GRM7: variants seen among roughly 807,000 people sequenced by gnomAD.
The protein encoded by GRM7 is glutamate metabotropic receptor 7, also known as metabotropic glutamate receptor 7.
Under a neutral mutation model 84.5 loss-of-function variants are expected in GRM7, and 35 were observed. The observed-to-expected ratio is 0.41, with a 90% CI of 0.32 to 0.55. GRM7 has a LOEUF of 0.55. Ranked by LOEUF, GRM7 falls within the 20% of genes least tolerant of loss-of-function variation. The pLI, the probability that GRM7 is intolerant of heterozygous loss-of-function variation, is 0.19. For synonymous variants in GRM7, 487 were observed against 455.1 expected, an observed-to-expected ratio of 1.07 and a Z score of -0.89; for missense variants, 1,003 against 1,194.6, an observed-to-expected ratio of 0.84 and a Z score of 2.36.
chr3:7,397,283 C>A (rs1559293022), intron 4 of GRM7, among the ~76,000 whole-genome samples: 1 of 152,090 alleles, frequency 6.6e-6, no homozygotes, highest in East Asian at 1.9e-4. Context: ...GTGTGTCATA[C>A]AATTTACATG....
At chr3:7,588,750 G>A (rs1378628146) in intron 8 of GRM7, among the ~76,000 whole-genome samples, 2 of 152,140 alleles carry the variant, frequency 1.3e-5, no homozygotes, top group South Asian at 2.1e-4. Flanking sequence ...GTAAGTCATC[G>A]GTAGAAATGT....
At chr3:7,325,860 T>C (rs945153918) in intron 4 of GRM7, among the ~76,000 whole-genome samples, 2 of 152,168 alleles carry the variant, frequency 1.3e-5, no homozygotes, top group East Asian at 1.9e-4. Context: ...TTTGTTAGTT[T>C]ACAGTTTTTT....
intron 1 of GRM7, among the ~76,000 whole-genome samples, chr3:6,892,216 C>G (rs944318374): frequency 3.3e-5 from 5 of 152,064 alleles, no homozygotes; most frequent in Admixed American, 2.6e-4. Context: ...CACTCAAGTC[C>G]TATATTTTGA....
chr3:6,924,368 G>A (rs904868572), intron 1 of GRM7, among the ~76,000 whole-genome samples: 1 of 152,172 alleles, frequency 6.6e-6, no homozygotes, highest in East Asian at 1.9e-4. Context: ...GACAGATGAT[G>A]TATAATTTCA....
intron 8 of GRM7, among the ~76,000 whole-genome samples, chr3:7,615,718 G>A (rs1313993511): frequency 1.3e-5 from 2 of 151,912 alleles, no homozygotes; most frequent in East Asian, 1.9e-4. Flanking sequence ...GGCTCTTAGG[G>A]AAAAATAAAA....
At chr3:7,302,715 T>C (rs547487168) in intron 3 of GRM7, among the ~76,000 whole-genome samples, 1 of 152,164 alleles carries the variant, frequency 6.6e-6, no homozygotes, top group East Asian at 1.9e-4. Context: ...TAGTATCTAG[T>C]TTGATACCTT....
chr3:7,648,097 T>G (rs1156917912), intron 8 of GRM7, among the ~76,000 whole-genome samples: 1 of 152,118 alleles, frequency 6.6e-6, no homozygotes, highest in African/African-American at 2.4e-5. Context: ...CACAACTTAT[T>G]TGTGTGGCAG....
intron 7 of GRM7, among the ~76,000 whole-genome samples, chr3:7,507,557 G>C (rs138497582): frequency 2.1e-3 from 324 of 152,280 alleles, no homozygotes; most frequent in Admixed American, 4.2e-3. Flanking sequence ...TAACCTATCA[G>C]CAGATAAAAG....
intron 1 of GRM7, among the ~76,000 whole-genome samples, chr3:7,137,828 A>G (rs1249897177): frequency 2.0e-5 from 3 of 152,082 alleles, no homozygotes; most frequent in Non-Finnish European, 4.4e-5. Context: ...AATGCCATAT[A>G]GACTCCTGGA....
At chr3:7,352,154 G>C (rs562849424) in intron 4 of GRM7, among the ~76,000 whole-genome samples, 1 of 149,562 alleles carries the variant, frequency 6.7e-6, no homozygotes, top group African/African-American at 2.5e-5. Context: ...GGGGTTTCTG[G>C]AATTGATTTT....
At chr3:7,650,531 T>A (rs1443549062) in intron 8 of GRM7, among the ~76,000 whole-genome samples, 1 of 152,232 alleles carries the variant, frequency 6.6e-6, no homozygotes, top group Non-Finnish European at 1.5e-5. Flanking sequence ...TTTTGTTTTT[T>A]AATTTACCTT....
chr3:7,179,332 T>C (rs1695260640), intron 2 of GRM7, among the ~76,000 whole-genome samples: 1 of 152,200 alleles, frequency 6.6e-6, no homozygotes, highest in Non-Finnish European at 1.5e-5. Flanking sequence ...TTTCTGTTTG[T>C]TTCCAAAAAT....
chr3:7,137,361 A>G (rs1693804394), intron 1 of GRM7, among the ~76,000 whole-genome samples: 1 of 152,114 alleles, frequency 6.6e-6, no homozygotes, highest in Non-Finnish European at 1.5e-5. Context: ...GGGAAAAATT[A>G]CATCTGATGA....
intron 7 of GRM7, among the ~76,000 whole-genome samples, chr3:7,502,919 T>G (rs1699927542): frequency 6.6e-6 from 1 of 152,168 alleles, no homozygotes; most frequent in Admixed American, 6.6e-5. Flanking sequence ...TGAGTCCAAG[T>G]GCCTAGATGA....
intron 2 of GRM7, among the ~76,000 whole-genome samples, chr3:7,297,238 ACTTCT>A (rs771861947): frequency 2.6e-5 from 4 of 152,024 alleles, no homozygotes; most frequent in Admixed American, 2.0e-4. Flanking sequence ...TTACCTTGAC[ACTTCT>A]CTTTGATGCA....
chr3:7,216,222 G>A (rs1286211882), intron 2 of GRM7, among the ~76,000 whole-genome samples: 2 of 152,060 alleles, frequency 1.3e-5, no homozygotes, highest in African/African-American at 4.8e-5. Context: ...TGTATTTTTG[G>A]AATTTAGAAG....
intron 1 of GRM7, among the ~76,000 whole-genome samples, chr3:7,094,976 A>T (rs1274942099): frequency 4.0e-5 from 6 of 150,754 alleles, no homozygotes. Flanking sequence ...CTGAGGGCTG[A>T]TAGACTTTTT....
In GRM7 at chr3:7,665,168, CTTTTTTT is replaced by C. The variant is rs34966790; in HGVS notation, c.2452-14866_2452-14860del. ...ATACGGAGAATGTTTGCCCATGATT[CTTTTTTT>C]TTTTTTTTTTTTTTGAGACGGAGTC... On this transcript the variant is annotated intron_variant, in intron 8 of 9. Coordinates refer to ENST00000357716, the MANE Select transcript of GRM7 (RefSeq NM_000844.4). Among the ~76,000 whole-genome samples the C allele has an allele frequency of 2.9e-5, 3 of 102,522 alleles. No homozygotes were observed. In the Admixed American group the frequency reaches 3.1e-4, roughly 11 times the overall value. The allele number at this position is 102,522 out of a possible 152,430, so 67.3% of individuals were successfully genotyped here.
chr3:7,146,442 G>T lies in GRM7; in HGVS notation c.520-10G>T. On this transcript the variant is annotated splice_polypyrimidine_tract_variant and intron_variant, in intron 1 of 9. Transcript: ENST00000357716. ...GTGCACTCTCACGTGGTGCTTTCTT[G>T]TCTTTGCAGATCCCCCAGATTAGTT... 1 of 1,605,194 alleles carries T rather than the reference G, an allele frequency of 6.2e-7. No homozygotes were observed. The highest frequency in any genetic ancestry group is 8.5e-7 in the Non-Finnish European group (1 of 1,172,894).
Sources: gnomAD v4.1 joint callset for allele counts (sites outside exome capture counted in the v4.1 genomes callset) on GRCh38, gnomAD v4.1.1 for gene constraint, MANE v1.5 for transcripts, NCBI Gene and HGNC (gene_info 2026-07-23, HGNC 2026-07-21) for gene names.